The following ZNF585B variants were observed in gnomAD, a reference collection of about 807,000 sequenced individuals.
The protein encoded by ZNF585B is zinc finger protein 585B.
A neutral mutation model predicts 14.0 loss-of-function variants in ZNF585B; 7 were observed. The observed-to-expected ratio is 0.50, with a 90% CI of 0.28 to 0.94. ZNF585B has a LOEUF of 0.94. ZNF585B is among the 40% of genes least tolerant of loss of function. ZNF585B has a pLI of 0.09. For missense variants in ZNF585B, 750 were observed against 924.4 expected (o/e 0.81, Z 2.45); for synonymous variants, 290 against 317.3 (o/e 0.91, Z 0.91).
At chr19:37,192,918 G>A (rs1310833119) in intron 2 of ZNF585B, among the ~76,000 whole-genome samples, 3 of 149,180 alleles carry the variant, frequency 2.0e-5, no homozygotes, top group East Asian at 2.0e-4. Flanking sequence ...GGTGGATCAC[G>A]AGGTCAGGAG....
Position 37,186,677 on chromosome 19 carries a change from G to A in ZNF585B, c.860C>T (p.Ala287Val). The part of the protein sequence containing the change: ...QAFIQKTQLI[A>V]HRRIHSGEKP... ...TTCTCCACTATGAATTCTTCGGTGTGCAATCAATTGTGTTTTCTGGATGAA... is the reference window on the plus strand; with the variant it reads ...TTCTCCACTATGAATTCTTCGGTGTACAATCAATTGTGTTTTCTGGATGAA... The change falls in exon 5 of 5, where the codon GCA becomes GTA. Residue 287 changes from alanine to valine, a missense_variant. Transcript: ENST00000532828. The A allele has an allele frequency of 6.2e-7, 1 of 1,614,194 alleles. No individual in the cohort carries two copies.
Position 37,207,145 on chromosome 19 carries a change from G to A in ZNF585B, c.-34C>T. Reference sequence around the variant, plus strand: ...TGGATCTCAACCCTTTTTGTCTAGGGTGCCTGAAGTTTAGTGGTCATCTGT... The same window carrying A: ...TGGATCTCAACCCTTTTTGTCTAGGATGCCTGAAGTTTAGTGGTCATCTGT... On this transcript the variant is annotated 5_prime_UTR_variant, in exon 2 of 5. Coordinates refer to ENST00000532828, the MANE Select transcript of ZNF585B (RefSeq NM_152279.4). 1 of 1,613,432 alleles carries A rather than the reference G, an allele frequency of 6.2e-7. No individual in the cohort carries two copies. The highest frequency in any genetic ancestry group is 8.5e-7 in the Non-Finnish European group (1 of 1,179,936).
At chr19:37,191,105 C>T (rs1972395486) in intron 2 of ZNF585B, among the ~76,000 whole-genome samples, 1 of 152,082 alleles carries the variant, frequency 6.6e-6, no homozygotes, top group South Asian at 2.1e-4. Context: ...CCACAAAATG[C>T]AAATTATTAA....
chr19:37,208,861 G>A (rs1241679699), intron 1 of ZNF585B, among the ~76,000 whole-genome samples: 3 of 151,900 alleles, frequency 2.0e-5, no homozygotes, highest in Non-Finnish European at 2.9e-5. Flanking sequence ...GCGTGGTGGC[G>A]GGCACTTGAA....
chr19:37,190,281 T>C, intron 2 of ZNF585B, 131 bp from the exon 3 acceptor site: 3 of 1,350,022 alleles, frequency 2.2e-6, no homozygotes, highest in Non-Finnish European at 3.0e-6. Flanking sequence ...AGTCTTGCTC[T>C]GTTCCCCAGG....
chr19:37,185,941 A>C lies in ZNF585B; in HGVS notation c.1596T>G (p.Thr532=), dbSNP rs1424009492. ...YECNTCGKAF[T]QKSNLNIHQK... is the part of the protein sequence containing the mutation. ...GATGTATATTAAGATTTGACTTCTG[A>C]GTAAAGGCTTTTCCACAAGTATTGC... The change falls in exon 5 of 5, where the codon ACT becomes ACG. Residue 532 remains threonine (T), a synonymous_variant. Coordinates refer to ENST00000532828, the MANE Select transcript of ZNF585B (RefSeq NM_152279.4). 1.2e-6 allele frequency: 2 copies of C among 1,613,934 alleles called. No individual in the cohort carries two copies. Among genetic ancestry groups the C allele is most frequent in the African/African-American group, 2.7e-5 (2 of 74,852 alleles).
At chr19:37,188,656 G>A (rs570740073) in intron 4 of ZNF585B, among the ~76,000 whole-genome samples, 2 of 143,396 alleles carry the variant, frequency 1.4e-5, no homozygotes, top group Non-Finnish European at 3.0e-5. Flanking sequence ...GCGACAGAGT[G>A]AGACTCCCTC....
intron 2 of ZNF585B, chr19:37,199,519 G>A (rs1323503519): frequency 2.2e-6 from 1 of 445,550 alleles, no homozygotes; most frequent in Non-Finnish European, 4.5e-6. Context: ...GTGAGACCCC[G>A]TTTCAAAAAA....
chr19:37,191,616 TA>T (rs765780103), intron 2 of ZNF585B, among the ~76,000 whole-genome samples: 2,996 of 133,542 alleles, frequency 0.022, 31 homozygotes, highest in African/African-American at 0.024. Flanking sequence ...AGACTCTGTC[TA>T]AAAAAAAAAA....
In ZNF585B at chr19:37,186,317, T is replaced by A; in HGVS notation, c.1220A>T (p.Glu407Val). The A allele has an allele frequency of 6.2e-7, 1 of 1,614,056 alleles. No homozygotes were observed. Among genetic ancestry groups the A allele is most frequent in the Non-Finnish European group, 8.5e-7 (1 of 1,179,950 alleles). ...LTVHQRIHTG[E>V]KSYICMKCGL... ...ACATTTCATGCATATATACGATTTT[T>A]CTCCTGTATGAATTCTCTGATGCAC... The change falls in exon 5 of 5, where the codon GAA becomes GTA. Residue 407 changes from glutamate (E) to valine (V), a missense_variant. Physicochemically the swap from Glu to Val is moderately radical, Grantham distance 121. Transcript: ENST00000532828.
At chr19:37,203,075 G>A (rs73624842) in intron 2 of ZNF585B, among the ~76,000 whole-genome samples, 1 of 152,014 alleles carries the variant, frequency 6.6e-6, no homozygotes, top group Non-Finnish European at 1.5e-5. Context: ...CATTAATATG[G>A]AGAAGCAACT....
rs1972283382 is a variant in ZNF585B, at chr19:37,183,454, T to C, written c.*1773A>G. 6.6e-6 allele frequency: 1 copy of C among 151,874 alleles called. No individual in the cohort carries two copies. Among genetic ancestry groups the C allele is most frequent in the Admixed American group, 6.6e-5 (1 of 15,246 alleles). The allele number at this position is 151,874 out of a possible 1,614,324, so 9.4% of individuals were successfully genotyped here. A position where few individuals can be genotyped will look rare whatever the true frequency, so the allele number is the denominator to read the frequency against. On this transcript the variant is annotated 3_prime_UTR_variant, in exon 5 of 5. Transcript: ENST00000532828. ...CTCATAGTGGTGAACAAAAGGGAAATATTTTCTAGTGTAGAAGCCACAGAG... is the reference window on the plus strand; with the variant it reads ...CTCATAGTGGTGAACAAAAGGGAAACATTTTCTAGTGTAGAAGCCACAGAG...
chr19:37,200,936 CA>C (rs1385521782), intron 2 of ZNF585B, among the ~76,000 whole-genome samples: 1 of 151,596 alleles, frequency 6.6e-6, no homozygotes, highest in African/African-American at 2.4e-5. Flanking sequence ...ACTAAAAATA[CA>C]AAAATTAGCC....
In ZNF585B at chr19:37,184,935, G is replaced by T; in HGVS notation, c.*292C>A. On this transcript the variant is annotated 3_prime_UTR_variant, in exon 5 of 5. Coordinates refer to ENST00000532828, the MANE Select transcript of ZNF585B (RefSeq NM_152279.4). ...ATATGATCTTTCTTATGAAGAATTT[G>T]GTAACAGTATTCTATTGTAGTTTTC... is the stretch of plus-strand genomic sequence containing the variant. The T allele has an allele frequency of 2.2e-6, 1 of 453,140 alleles. No homozygotes were observed. The highest frequency in any genetic ancestry group is 3.9e-6 in the Non-Finnish European group (1 of 258,558). 28.1% of individuals were successfully genotyped at this position (453,140 alleles called of 1,614,324 possible).
chr19:37,203,893 G>T (rs170379), intron 2 of ZNF585B, among the ~76,000 whole-genome samples: 27,746 of 152,106 alleles, frequency 0.18, 2,616 homozygotes, highest in South Asian at 0.25. Context: ...CTCCCAAAGT[G>T]CTGGGATTAC....
At chr19:37,207,989 T>C (rs1972604531) in intron 1 of ZNF585B, among the ~76,000 whole-genome samples, 1 of 152,042 alleles carries the variant, frequency 6.6e-6, no homozygotes, top group Non-Finnish European at 1.5e-5. Context: ...ATTTTTTTCT[T>C]TTAAGATGGG....
At chr19:37,198,394 A>T (rs1018614251) in intron 2 of ZNF585B, among the ~76,000 whole-genome samples, 2 of 151,592 alleles carry the variant, frequency 1.3e-5, no homozygotes, top group Non-Finnish European at 2.9e-5. Context: ...CTGGTCTCAA[A>T]CTCCCTACCT....
Position 37,186,378 on chromosome 19 carries a change from A to T in ZNF585B, c.1159T>A (p.Cys387Ser), listed in dbSNP as rs1972333800. 1 of 1,614,184 alleles carries T rather than the reference A, an allele frequency of 6.2e-7. No individual in the cohort carries two copies. The highest frequency in any genetic ancestry group is 8.5e-7 in the Non-Finnish European group (1 of 1,180,038). Residue 387 changes from cysteine to serine, a missense_variant, in exon 5 of 5, where the codon TGT (cysteine) becomes AGT (serine). Cys to Ser is a moderately radical substitution (Grantham distance 112). Coordinates refer to ENST00000532828, the MANE Select transcript of ZNF585B (RefSeq NM_152279.4). ...GACTTCTGAGTGAAGGCTCTCCCAC[A>T]GTCACTGCATTCATAAGGTTTCTCT... is the stretch of plus-strand genomic sequence containing the variant. Reference protein sequence around the residue: ...TGEKPYECSDCGRAFTQKSAL... With the variant: ...TGEKPYECSDSGRAFTQKSAL...
At chr19:37,197,345 G>T (rs555960349) in intron 2 of ZNF585B, among the ~76,000 whole-genome samples, 392 of 152,230 alleles carry the variant, frequency 2.6e-3, no homozygotes, top group South Asian at 0.011. Flanking sequence ...ATTCCATGGT[G>T]TATATGTGCC....
Sources: gnomAD v4.1 joint callset for allele counts (sites outside exome capture counted in the v4.1 genomes callset) on GRCh38, gnomAD v4.1.1 for gene constraint, MANE v1.5 for transcripts, NCBI Gene and HGNC (gene_info 2026-07-23, HGNC 2026-07-21) for gene names.